ADAMTSL3: variants seen among roughly 807,000 people sequenced by gnomAD.
The protein encoded by ADAMTSL3 is ADAMTS-like protein 3.
A neutral mutation model predicts 201.7 loss-of-function variants in ADAMTSL3; 128 were observed. That is an observed-to-expected ratio of 0.63 (90% CI 0.55 to 0.73). ADAMTSL3 has a LOEUF of 0.73. Among genes scored for constraint, ADAMTSL3 ranks in the 30% least tolerant of loss-of-function variants. The pLI is 0.00. For synonymous variants in ADAMTSL3, 738 were observed against 748.4 expected, an observed-to-expected ratio of 0.99 and a Z score of 0.23; for missense variants, 1,990 against 2,119.6, an observed-to-expected ratio of 0.94 and a Z score of 1.20.
intron 29 of ADAMTSL3, 84 bp downstream of exon 29, chr15:84,037,071 C>A: frequency 7.2e-7 from 1 of 1,394,342 alleles, no homozygotes; most frequent in Non-Finnish European, 1.0e-6. Context: ...GCACCAAACC[C>A]TGCTAGTGAT....
At chr15:83,675,586 CT>C (rs77339448) in intron 2 of ADAMTSL3, among the ~76,000 whole-genome samples, 156 of 126,032 alleles carry the variant, frequency 1.2e-3, no homozygotes, top group Middle Eastern at 4.2e-3. Context: ...GTGCTGTTTT[CT>C]TTTTTTTTTT....
intron 9 of ADAMTSL3, among the ~76,000 whole-genome samples, chr15:83,878,397 C>T (rs1018403400): frequency 3.9e-5 from 6 of 152,084 alleles, no homozygotes; most frequent in Non-Finnish European, 5.9e-5. Flanking sequence ...AGGCGGATCA[C>T]GAGGTCAGGA....
intron 3 of ADAMTSL3, among the ~76,000 whole-genome samples, chr15:83,745,136 G>A (rs910873218): frequency 3.3e-5 from 5 of 152,184 alleles, no homozygotes; most frequent in Admixed American, 6.5e-5. Flanking sequence ...GCTTGACTTC[G>A]GCTGGGCGGC....
chr15:83,996,883 A>T (rs1441967075), intron 23 of ADAMTSL3, among the ~76,000 whole-genome samples: 1 of 151,754 alleles, frequency 6.6e-6, no homozygotes, highest in Non-Finnish European at 1.5e-5. Context: ...AAATGTTCTC[A>T]TTTCCACACT....
chr15:83,655,651 C>G, intron 1 of ADAMTSL3, 78 bp from the exon 2 acceptor site: 1 of 1,050,592 alleles, frequency 9.5e-7, no homozygotes, highest in Non-Finnish European at 1.4e-6. Flanking sequence ...GTCCCTCCAT[C>G]TAATGGGTCG....
chr15:83,776,511 A>G (rs1596187100), intron 4 of ADAMTSL3, among the ~76,000 whole-genome samples: 2 of 152,192 alleles, frequency 1.3e-5, no homozygotes, highest in Admixed American at 1.3e-4. Flanking sequence ...TGAGATCAGG[A>G]GTTTGAGACC....
chr15:83,963,124 GT>G (rs954176127), intron 19 of ADAMTSL3, among the ~76,000 whole-genome samples: 20 of 152,168 alleles, frequency 1.3e-4, no homozygotes, highest in Admixed American at 6.5e-5. Context: ...GCTGCAGGAG[GT>G]TTTTTTCATA....
intron 13 of ADAMTSL3, among the ~76,000 whole-genome samples, chr15:83,897,197 T>G (rs1176127343): frequency 6.6e-6 from 1 of 152,120 alleles, no homozygotes; most frequent in Non-Finnish European, 1.5e-5. Flanking sequence ...AGAGTAACTT[T>G]CAAATCATAA....
At chr15:83,782,461 A>G (rs1273071782) in intron 4 of ADAMTSL3, among the ~76,000 whole-genome samples, 1 of 152,158 alleles carries the variant, frequency 6.6e-6, no homozygotes, top group African/African-American at 2.4e-5. Context: ...TTGGTGACAG[A>G]GTGAGACTCC....
intron 19 of ADAMTSL3, 22 bp from the exon 20 acceptor site, chr15:83,970,462 T>C: frequency 6.2e-7 from 1 of 1,614,022 alleles, no homozygotes; most frequent in South Asian, 1.1e-5. Context: ...CATTTGACTC[T>C]GTTGCACAAC....
chr15:83,844,579 A>G (rs1014489105), intron 7 of ADAMTSL3, among the ~76,000 whole-genome samples: 2 of 152,218 alleles, frequency 1.3e-5, no homozygotes, highest in Admixed American at 6.5e-5. Context: ...CGATTGAGAA[A>G]GGAATATTCA....
At chr15:83,860,018 A>G (rs2141780235) in intron 8 of ADAMTSL3, among the ~76,000 whole-genome samples, 1 of 152,148 alleles carries the variant, frequency 6.6e-6, no homozygotes, top group South Asian at 2.1e-4. Flanking sequence ...AAAAAAAAAA[A>G]TTAGCTAGGC....
intron 19 of ADAMTSL3, 139 bp downstream of exon 19, chr15:83,943,221 C>T (rs978319892): frequency 3.1e-6 from 3 of 967,004 alleles, no homozygotes; most frequent in African/African-American, 1.7e-5. Context: ...AGGAGGTGCT[C>T]ACTCACTCTC....
chr15:83,732,010 C>T (rs538150465), intron 3 of ADAMTSL3, among the ~76,000 whole-genome samples: 1 of 149,872 alleles, frequency 6.7e-6, no homozygotes, highest in South Asian at 2.1e-4. Context: ...GTATTATATA[C>T]TGGAAATTTG....
intron 17 of ADAMTSL3, among the ~76,000 whole-genome samples, chr15:83,929,987 T>C (rs185744326): frequency 5.2e-4 from 79 of 152,272 alleles, no homozygotes; most frequent in Non-Finnish European, 9.7e-4. Context: ...CACTTCTCAC[T>C]GGTAAAATGA....
intron 6 of ADAMTSL3, among the ~76,000 whole-genome samples, chr15:83,830,292 C>T (rs2064128034): frequency 1.3e-5 from 2 of 152,118 alleles, no homozygotes; most frequent in South Asian, 2.1e-4. Context: ...GATCTAATGT[C>T]ATTGGGGACT....
chr15:83,699,123 C>T (rs1216106576), intron 2 of ADAMTSL3, among the ~76,000 whole-genome samples: 1 of 152,002 alleles, frequency 6.6e-6, no homozygotes, highest in Non-Finnish European at 1.5e-5. Context: ...TACATACATA[C>T]ATACATTATG....
At chr15:83,896,078 T>A (rs896102154) in intron 13 of ADAMTSL3, among the ~76,000 whole-genome samples, 1 of 152,194 alleles carries the variant, frequency 6.6e-6, no homozygotes, top group Admixed American at 6.5e-5. Flanking sequence ...GCTTTGGCAA[T>A]AGATGGCTCT....
At chr15:83,771,953 A>G (rs2062991323) in intron 3 of ADAMTSL3, among the ~76,000 whole-genome samples, 1 of 152,030 alleles carries the variant, frequency 6.6e-6, no homozygotes, top group African/African-American at 2.4e-5. Flanking sequence ...CCCGGGTTCA[A>G]GCAATACTGG....
Sources: allele counts gnomAD v4.1 joint callset (sites outside exome capture counted in the v4.1 genomes callset), GRCh38; gene constraint gnomAD v4.1.1; transcripts MANE v1.5; gene names NCBI Gene and HGNC (gene_info 2026-07-23, HGNC 2026-07-21).